PIGU: variants seen among roughly 807,000 people sequenced by gnomAD.
PIGU encodes phosphatidylinositol glycan anchor biosynthesis class U.
Under a neutral mutation model 49.9 loss-of-function variants are expected in PIGU, and 24 were observed. That is an observed-to-expected ratio of 0.48 (90% CI 0.35 to 0.68). The LOEUF (loss-of-function observed/expected upper bound fraction) is 0.68. Among genes scored for constraint, PIGU ranks in the 30% least tolerant of loss-of-function variants. PIGU has a pLI of 0.01. For synonymous variants in PIGU, 220 were observed against 205.7 expected, an observed-to-expected ratio of 1.07 and a Z score of -0.59; for missense variants, 490 against 532.6, an observed-to-expected ratio of 0.92 and a Z score of 0.79.
At chr20:34,671,822 G>C (rs1399810648) in intron 1 of PIGU, among the ~76,000 whole-genome samples, 1 of 151,930 alleles carries the variant, frequency 6.6e-6, no homozygotes, top group Admixed American at 6.6e-5. Context: ...AGGAGGCTAA[G>C]ACAGGAGAAT....
intron 1 of PIGU, among the ~76,000 whole-genome samples, chr20:34,671,240 T>C (rs1230558118): frequency 6.6e-6 from 1 of 152,098 alleles, no homozygotes; most frequent in Non-Finnish European, 1.5e-5. Flanking sequence ...AAAAGCATCA[T>C]ATCATTGTTA....
chr20:34,584,221 C>T (rs1214905396), intron 9 of PIGU, among the ~76,000 whole-genome samples: 49 of 152,142 alleles, frequency 3.2e-4, no homozygotes, highest in Admixed American at 3.1e-3. Context: ...AATCTAACGC[C>T]TACCTCCAGG....
intron 9 of PIGU, among the ~76,000 whole-genome samples, chr20:34,584,502 T>C (rs939828784): frequency 2.2e-5 from 3 of 138,416 alleles, no homozygotes; most frequent in African/African-American, 8.1e-5. Flanking sequence ...ACAACTCCTG[T>C]TCTTTTTTTT....
At chr20:34,580,497 C>A (rs1568624298) in intron 10 of PIGU, among the ~76,000 whole-genome samples, 1 of 152,170 alleles carries the variant, frequency 6.6e-6, no homozygotes, top group Non-Finnish European at 1.5e-5. Context: ...TGGTTGACAC[C>A]CAAAACAACA....
intron 1 of PIGU, among the ~76,000 whole-genome samples, chr20:34,668,732 G>A (rs1032845971): frequency 5.3e-5 from 8 of 150,894 alleles, no homozygotes; most frequent in African/African-American, 9.8e-5. Flanking sequence ...TCGTGTCACT[G>A]CACTCCAGCC....
intron 7 of PIGU, among the ~76,000 whole-genome samples, chr20:34,599,804 G>C (rs561298286): frequency 1.1e-4 from 17 of 152,216 alleles, no homozygotes; most frequent in Admixed American, 9.2e-4. Flanking sequence ...TAGGTGAGAG[G>C]AATCTGACCA....
At chr20:34,659,790 C>G (rs1325329169) in intron 1 of PIGU, among the ~76,000 whole-genome samples, 9 of 152,104 alleles carry the variant, frequency 5.9e-5, no homozygotes, top group Non-Finnish European at 4.4e-5. Context: ...GCTGTGTCCA[C>G]TCAGGGTTAA....
intron 8 of PIGU, 99 bp from the exon 9 acceptor site, chr20:34,585,679 G>T: frequency 7.3e-7 from 1 of 1,365,770 alleles, no homozygotes; most frequent in Non-Finnish European, 1.0e-6. Flanking sequence ...CTGCTGGGCA[G>T]CCAAGGACGA....
chr20:34,563,626 G>GT (rs1600580136), intron 11 of PIGU, among the ~76,000 whole-genome samples: 1 of 148,582 alleles, frequency 6.7e-6, no homozygotes, highest in Non-Finnish European at 1.5e-5. Context: ...TACATCAATG[G>GT]GGGGGGGGAG....
At chr20:34,676,707 A>G (rs557067030) in intron 1 of PIGU, among the ~76,000 whole-genome samples, 1 of 152,210 alleles carries the variant, frequency 6.6e-6, no homozygotes, top group African/African-American at 2.4e-5. Flanking sequence ...ACGCCCCCTC[A>G]GATCCCCACC....
At chr20:34,648,786 C>T in intron 2 of PIGU, among the ~76,000 whole-genome samples, 1 of 151,986 alleles carries the variant, frequency 6.6e-6, no homozygotes, top group East Asian at 1.9e-4. Flanking sequence ...TGGGCTCAAG[C>T]AATCCGCCTG....
chr20:34,657,285 C>A (rs781020039), intron 1 of PIGU, 41 bp from the exon 2 acceptor site: 2 of 1,485,370 alleles, frequency 1.3e-6, no homozygotes, highest in Non-Finnish European at 1.9e-6. Context: ...ACTAAGCAGG[C>A]AGCTACAGAC....
At chr20:34,568,179 T>C (rs892618239) in intron 11 of PIGU, among the ~76,000 whole-genome samples, 4 of 152,190 alleles carry the variant, frequency 2.6e-5, no homozygotes, top group African/African-American at 7.2e-5. Context: ...GGAGTCGCTA[T>C]AGAGTTTGGG....
intron 4 of PIGU, among the ~76,000 whole-genome samples, chr20:34,641,487 G>C (rs1285289010): frequency 1.3e-5 from 2 of 152,136 alleles, no homozygotes; most frequent in East Asian, 3.8e-4. Flanking sequence ...CACCATCTCA[G>C]CAAAGGACAG....
Position 34,649,258 on chromosome 20 carries a change from A to G in PIGU, c.196-3924T>C, listed in dbSNP as rs116472475. On this transcript the variant is annotated intron_variant, in intron 2 of 11. Coordinates refer to ENST00000217446, the MANE Select transcript of PIGU (RefSeq NM_080476.5). ...ATAGAGCTTCCTGAATAAAAATCTTAGTAAATGTTGAAAAAAATTTCATCC... is the reference window on the plus strand; with the variant it reads ...ATAGAGCTTCCTGAATAAAAATCTTGGTAAATGTTGAAAAAAATTTCATCC... 8.3e-3 allele frequency among the ~76,000 whole-genome samples: 1,267 copies of G among 152,156 alleles called. 18 individuals are homozygous for G. The highest frequency in any genetic ancestry group is 0.027 in the African/African-American group (1,122 of 41,508).
At chr20:34,592,493 G>A (rs1038430957) in intron 7 of PIGU, among the ~76,000 whole-genome samples, 13 of 149,608 alleles carry the variant, frequency 8.7e-5, no homozygotes, top group Middle Eastern at 3.2e-3. Flanking sequence ...GTAAAAGAGA[G>A]CATAACTATA....
intron 7 of PIGU, among the ~76,000 whole-genome samples, chr20:34,591,215 T>C (rs1399454181): frequency 6.6e-6 from 1 of 152,038 alleles, no homozygotes; most frequent in Non-Finnish European, 1.5e-5. Flanking sequence ...AAAGGCTCCA[T>C]TCATTGGAAA....
At chr20:34,588,119 G>C (rs374470534) in intron 8 of PIGU, among the ~76,000 whole-genome samples, 1 of 152,126 alleles carries the variant, frequency 6.6e-6, no homozygotes, top group African/African-American at 2.4e-5. Flanking sequence ...GGGCGTGGTG[G>C]TGCATGCCTG....
chr20:34,564,816 G>A (rs1268171424), intron 11 of PIGU, among the ~76,000 whole-genome samples: 1 of 152,206 alleles, frequency 6.6e-6, no homozygotes, highest in South Asian at 2.1e-4. Flanking sequence ...TGTCAACTCT[G>A]CTGTGTGTGT....
Sources: allele counts gnomAD v4.1 joint callset (sites outside exome capture counted in the v4.1 genomes callset), GRCh38; gene constraint gnomAD v4.1.1; transcripts MANE v1.5; gene names NCBI Gene and HGNC (gene_info 2026-07-23, HGNC 2026-07-21).